Variants in PCDH15 observed in about 807,000 individuals in gnomAD.
PCDH15 encodes the protein protocadherin related 15.
Under a neutral mutation model 178.5 loss-of-function variants are expected in PCDH15, and 129 were observed. The ratio of observed to expected loss-of-function variants is 0.72; its 90% CI spans 0.63 to 0.84. The LOEUF is 0.84. PCDH15 is among the 40% of genes least tolerant of loss of function. The probability of loss-of-function intolerance (pLI) is 0.00; values close to 1 mark genes in which losing one functional copy is unlikely to be tolerated. For missense variants in PCDH15, 2,230 were observed against 2,099.9 expected (o/e 1.06, Z -1.21); for synonymous variants, 800 against 732.0 (o/e 1.09, Z -1.50).
chr10:54,949,504 C>T (rs1237439463), intron 2 of PCDH15, among the ~76,000 whole-genome samples: 7 of 151,888 alleles, frequency 4.6e-5, no homozygotes, highest in Admixed American at 3.9e-4. Context: ...ACATTTTCCC[C>T]ATCATTATGG....
chr10:54,363,359 T>C (rs1448627508), intron 5 of PCDH15, among the ~76,000 whole-genome samples: 2 of 152,186 alleles, frequency 1.3e-5, no homozygotes, highest in Non-Finnish European at 2.9e-5. Flanking sequence ...TATTTTAAAA[T>C]TTATTATGTG....
At chr10:55,451,662 C>T (rs1052896892) in intron 2 of PCDH15, among the ~76,000 whole-genome samples, 3 of 152,012 alleles carry the variant, frequency 2.0e-5, no homozygotes, top group Admixed American at 6.6e-5. Flanking sequence ...TGTGATACTA[C>T]CAAAGATCCA....
intron 15 of PCDH15, among the ~76,000 whole-genome samples, chr10:54,107,048 GCTGT>G (rs1265763395): frequency 6.6e-6 from 1 of 151,918 alleles, no homozygotes; most frequent in Admixed American, 6.6e-5. Flanking sequence ...ATCTATCTCA[GCTGT>G]CTATCTCCTA....
At chr10:54,087,234 T>C (rs2094529317) in intron 16 of PCDH15, among the ~76,000 whole-genome samples, 1 of 152,100 alleles carries the variant, frequency 6.6e-6, no homozygotes, top group South Asian at 2.1e-4. Flanking sequence ...AATCGCAGAG[T>C]TGTTCAATCA....
chr10:54,896,588 T>C (rs1433874870), intron 3 of PCDH15, among the ~76,000 whole-genome samples: 3 of 142,310 alleles, frequency 2.1e-5, no homozygotes, highest in African/African-American at 4.9e-5. Context: ...GCCAATAAGA[T>C]GTTTTTTTAA....
At chr10:54,346,318 T>C (rs528484039) in intron 6 of PCDH15, 47 bp downstream of exon 6, 2 of 1,581,440 alleles carry the variant, frequency 1.3e-6, no homozygotes, top group Admixed American at 3.4e-5. Flanking sequence ...AAATCATTAA[T>C]TTTATTCCTT....
chr10:55,406,093 A>C (rs1049339807), intron 2 of PCDH15, among the ~76,000 whole-genome samples: 1 of 151,372 alleles, frequency 6.6e-6, no homozygotes, highest in Non-Finnish European at 1.5e-5. Flanking sequence ...ATAAAGCAGC[A>C]GAGTACCCAA....
chr10:53,993,232 T>G (rs1330925647), intron 21 of PCDH15, among the ~76,000 whole-genome samples: 1 of 152,228 alleles, frequency 6.6e-6, no homozygotes, highest in African/African-American at 2.4e-5. Flanking sequence ...TTTTCTACAG[T>G]AATACAAAAT....
chr10:55,533,852 CAAAACAGCATAGTATTGCTACA>C (rs1375526167), intron 2 of PCDH15, among the ~76,000 whole-genome samples: 1 of 151,988 alleles, frequency 6.6e-6, no homozygotes, highest in Admixed American at 6.6e-5. Context: ...CTATAGTAAT[CAAAACAGCATAGTATTGCTACA>C]AAAACAGATA....
intron 15 of PCDH15, among the ~76,000 whole-genome samples, chr10:54,118,778 AT>A (rs71007808): frequency 2.0e-5 from 3 of 150,606 alleles, no homozygotes; most frequent in Admixed American, 1.3e-4. Context: ...TTTTATTTTT[AT>A]TTTTTTTTGT....
At chr10:53,832,120 G>A (rs1416974811) in intron 29 of PCDH15, among the ~76,000 whole-genome samples, 1 of 151,104 alleles carries the variant, frequency 6.6e-6, no homozygotes, top group African/African-American at 2.5e-5. Context: ...TGGTCAAATG[G>A]TGAAGACATT....
intron 1 of PCDH15, among the ~76,000 whole-genome samples, chr10:54,754,833 C>T (rs775121345): frequency 3.3e-5 from 5 of 151,388 alleles, no homozygotes; most frequent in African/African-American, 7.3e-5. Flanking sequence ...TGACACAAGT[C>T]GCATATGTGT....
At chr10:53,839,908 A>T (rs1450699740) in intron 29 of PCDH15, among the ~76,000 whole-genome samples, 1 of 152,222 alleles carries the variant, frequency 6.6e-6, no homozygotes, top group Non-Finnish European at 1.5e-5. Flanking sequence ...TTGCTGATTT[A>T]GTAGACCTGT....
intron 2 of PCDH15, among the ~76,000 whole-genome samples, chr10:55,554,418 C>T (rs1268475506): frequency 6.6e-6 from 1 of 151,988 alleles, no homozygotes; most frequent in Admixed American, 6.6e-5. Context: ...TATTCTTTTC[C>T]ACTCAGTTTC....
chr10:55,343,495 C>G (rs115314931), intron 2 of PCDH15, among the ~76,000 whole-genome samples: 2 of 151,856 alleles, frequency 1.3e-5, no homozygotes, highest in Non-Finnish European at 2.9e-5. Context: ...ATTATCTTTT[C>G]ACATGTCACC....
At chr10:54,744,499 C>T (rs1945216112) in intron 1 of PCDH15, among the ~76,000 whole-genome samples, 2 of 151,944 alleles carry the variant, frequency 1.3e-5, no homozygotes, top group Non-Finnish European at 2.9e-5. Context: ...ATACAGTTAA[C>T]ATAAACAAAA....
At chr10:55,426,539 T>C (rs1241308280) in intron 2 of PCDH15, among the ~76,000 whole-genome samples, 1 of 152,078 alleles carries the variant, frequency 6.6e-6, no homozygotes, top group East Asian at 1.9e-4. Flanking sequence ...AGAGGGAGTG[T>C]TACAGTGCTC....
intron 35 of PCDH15, among the ~76,000 whole-genome samples, chr10:53,814,898 A>C (rs1018366498): frequency 1.8e-4 from 27 of 149,062 alleles, no homozygotes; most frequent in Non-Finnish European, 3.0e-5. Context: ...CAGGAGGTGG[A>C]GGTTGCAGTA....
rs571768624 is a variant in PCDH15, at chr10:55,240,912, C to T, written c.-155-74261G>A. 2.2e-4 allele frequency among the ~76,000 whole-genome samples: 33 copies of T among 152,234 alleles called. No individual in the cohort carries two copies. In the South Asian group the frequency reaches 6.8e-3, roughly 32 times the overall value. ...TAATGCACATCTAGAATTGAATATT[C>T]ATTTTTATAAAAACTGTTTTAAGAC... On this transcript the variant is annotated intron_variant, in intron 1 of 5. Coordinates refer to the PCDH15 transcript ENST00000458638.
Sources: gnomAD v4.1 joint callset for allele counts (sites outside exome capture counted in the v4.1 genomes callset) on GRCh38, gnomAD v4.1.1 for gene constraint, MANE v1.5 for transcripts, NCBI Gene and HGNC (gene_info 2026-07-23, HGNC 2026-07-21) for gene names.